CAMTA1: variants seen among roughly 807,000 people sequenced by gnomAD.
The protein encoded by CAMTA1 is calmodulin-binding transcription activator 1.
A neutral mutation model predicts 170.9 loss-of-function variants in CAMTA1; 27 were observed. The observed-to-expected ratio is 0.16, with a 90% CI of 0.12 to 0.22. The LOEUF (loss-of-function observed/expected upper bound fraction) is 0.22, where lower values mean the gene tolerates loss of function less well. CAMTA1 is among the 10% of genes least tolerant of loss of function. The pLI is 1.00. For missense variants in CAMTA1, 1,619 were observed against 2,217.2 expected (o/e 0.73, Z 5.42); for synonymous variants, 833 against 891.5 (o/e 0.93, Z 1.17).
intron 6 of CAMTA1, among the ~76,000 whole-genome samples, chr1:7,548,377 G>A (rs2094729800): frequency 6.6e-6 from 1 of 152,098 alleles, no homozygotes; most frequent in Non-Finnish European, 1.5e-5. Flanking sequence ...TAGGAATGGA[G>A]GTGCCCATGG....
chr1:7,452,610 G>A (rs1299088333), intron 5 of CAMTA1, among the ~76,000 whole-genome samples: 1 of 152,200 alleles, frequency 6.6e-6, no homozygotes, highest in Non-Finnish European at 1.5e-5. Flanking sequence ...TCCTAGGAAT[G>A]GAATCATACA....
chr1:7,712,886 T>C (rs1021011823), intron 11 of CAMTA1, among the ~76,000 whole-genome samples: 2 of 152,194 alleles, frequency 1.3e-5, no homozygotes, highest in East Asian at 3.9e-4. Flanking sequence ...TGCAGGGGAA[T>C]TGCCCTTTAT....
rs116839388 is a variant in CAMTA1, at chr1:7,638,936, A to G, written c.511-1464A>G. On this transcript the variant is annotated intron_variant, in intron 6 of 22. Transcript: ENST00000303635. ...CAGAGGACATTCTTAATAAGATGTG[A>G]TGAGAAGGCGCTGACTGTTAAATGG... Among the ~76,000 whole-genome samples the G allele has an allele frequency of 7.7e-3, 1,165 of 152,238 alleles. 16 individuals carry two copies. Among genetic ancestry groups the G allele is most frequent in the African/African-American group, 0.027 (1,120 of 41,526 alleles).
chr1:7,431,803 T>G (rs1449239262), intron 5 of CAMTA1, among the ~76,000 whole-genome samples: 1 of 152,162 alleles, frequency 6.6e-6, no homozygotes, highest in Non-Finnish European at 1.5e-5. Flanking sequence ...AGACCAACTC[T>G]CTAAGGCTTT....
rs1557887227 is a variant in CAMTA1 at position 7,542,842 on chromosome 1, TGTGTGTGTG to T, written c.510+74942_510+74950del. On this transcript the variant is annotated intron_variant, in intron 6 of 22. Coordinates refer to ENST00000303635, the MANE Select transcript of CAMTA1 (RefSeq NM_015215.4). ...ACCACGCCTGGCCTAAAACACAGTG[TGTGTGTGTG>T]TGTGTGTGTGTGTGTGTGTGTGTGT... 2.4e-4 allele frequency among the ~76,000 whole-genome samples: 27 copies of T among 110,354 alleles called. No homozygotes were observed. In the East Asian group the frequency reaches 6.0e-3, roughly 25 times the overall value. The allele number at this position is 110,354 out of a possible 152,430, so 72.4% of individuals were successfully genotyped here.
chr1:7,363,446 TG>T (rs2085713943), intron 5 of CAMTA1, among the ~76,000 whole-genome samples: 1 of 152,154 alleles, frequency 6.6e-6, no homozygotes, highest in Non-Finnish European at 1.5e-5. Flanking sequence ...AGGAATGATC[TG>T]GGGGTGACCT....
chr1:6,952,287 C>T (rs1447349741), intron 3 of CAMTA1, among the ~76,000 whole-genome samples: 4 of 151,070 alleles, frequency 2.6e-5, no homozygotes, highest in Admixed American at 6.6e-5. Flanking sequence ...AAAAATTAGC[C>T]AGGCATGGTG....
intron 1 of CAMTA1, among the ~76,000 whole-genome samples, chr1:6,815,698 G>T (rs1043065071): frequency 6.6e-6 from 1 of 152,154 alleles, no homozygotes; most frequent in Non-Finnish European, 1.5e-5. Context: ...ATCTTTTATA[G>T]ATCATTTATC....
chr1:7,578,275 C>T (rs1306091220), intron 6 of CAMTA1, among the ~76,000 whole-genome samples: 1 of 152,190 alleles, frequency 6.6e-6, no homozygotes, highest in Non-Finnish European at 1.5e-5. Flanking sequence ...GGGGCCGTGG[C>T]CTGCTCCAGG....
intron 3 of CAMTA1, among the ~76,000 whole-genome samples, chr1:6,853,449 G>A (rs1251266376): frequency 2.0e-5 from 3 of 152,120 alleles, no homozygotes; most frequent in Non-Finnish European, 4.4e-5. Flanking sequence ...TAATAGAGGG[G>A]AAATATGGAA....
intron 3 of CAMTA1, among the ~76,000 whole-genome samples, chr1:6,848,789 T>C (rs1659286292): frequency 6.6e-6 from 1 of 152,078 alleles, no homozygotes; most frequent in Non-Finnish European, 1.5e-5. Context: ...CTTAGGGGAG[T>C]TCACAAATAA....
At chr1:7,075,988 C>T (rs1639251992) in intron 3 of CAMTA1, among the ~76,000 whole-genome samples, 1 of 152,122 alleles carries the variant, frequency 6.6e-6, no homozygotes, top group Non-Finnish European at 1.5e-5. Flanking sequence ...TAGACCCTAA[C>T]TTAGGTGCCT....
intron 6 of CAMTA1, among the ~76,000 whole-genome samples, chr1:7,589,803 C>T (rs1263696603): frequency 1.3e-5 from 2 of 152,192 alleles, no homozygotes; most frequent in East Asian, 1.9e-4. Flanking sequence ...TCATCCTCCA[C>T]TTGTAAATTT....
intron 3 of CAMTA1, among the ~76,000 whole-genome samples, chr1:7,084,756 C>T (rs1328240985): frequency 6.6e-6 from 1 of 152,160 alleles, no homozygotes; most frequent in Admixed American, 6.5e-5. Flanking sequence ...GTACGGCGGC[C>T]ATGTGTGGCA....
rs1199101486 is a variant in CAMTA1 at position 7,333,805 on chromosome 1, G to A, written c.438+84179G>A. On this transcript the variant is annotated intron_variant, in intron 5 of 22. Transcript: ENST00000303635. The surrounding 1 kb of genome is among the most constrained non-coding windows in gnomAD (Gnocchi z 4.4). Reference sequence around the variant, plus strand: ...TGCCGTTTGCAGTCTCTTGAATAAAGCATTTTTGTAGCCTCCTCAAAATCC... The same window carrying A: ...TGCCGTTTGCAGTCTCTTGAATAAAACATTTTTGTAGCCTCCTCAAAATCC... Among the ~76,000 whole-genome samples, 1 of 152,194 alleles carries A rather than the reference G, an allele frequency of 6.6e-6. No homozygotes were observed. Among genetic ancestry groups the A allele is most frequent in the Non-Finnish European group, 1.5e-5 (1 of 68,026 alleles).
At chr1:6,891,797 T>A (rs1376945768) in intron 3 of CAMTA1, among the ~76,000 whole-genome samples, 1 of 151,518 alleles carries the variant, frequency 6.6e-6, no homozygotes, top group Admixed American at 6.6e-5. Context: ...ATGAAAAAAA[T>A]AGTAGCAGCT....
At chr1:6,938,839 G>C (rs943242928) in intron 3 of CAMTA1, among the ~76,000 whole-genome samples, 1 of 152,156 alleles carries the variant, frequency 6.6e-6, no homozygotes, top group Admixed American at 6.5e-5. Context: ...CTTCTTGGCT[G>C]AGCTGCCCAG....
At chr1:7,653,920 A>G (rs1270042225) in intron 7 of CAMTA1, among the ~76,000 whole-genome samples, 1 of 152,142 alleles carries the variant, frequency 6.6e-6, no homozygotes, top group African/African-American at 2.4e-5. Context: ...TTCTATACCC[A>G]TAGTTCTCAA....
intron 3 of CAMTA1, among the ~76,000 whole-genome samples, chr1:6,939,350 G>A (rs1686012056): frequency 6.6e-6 from 1 of 152,134 alleles, no homozygotes; most frequent in Admixed American, 6.5e-5. Flanking sequence ...AGACAGTTTA[G>A]AACACATTAT....
Sources: gnomAD v4.1 joint callset for allele counts (sites outside exome capture counted in the v4.1 genomes callset) on GRCh38, gnomAD v4.1.1 for gene constraint, Gnocchi (gnomAD v3.1) non-coding constraint, MANE v1.5 for transcripts, NCBI Gene and HGNC (gene_info 2026-07-23, HGNC 2026-07-21) for gene names.